Variants in RGS7 observed in about 807,000 individuals in gnomAD.
The protein encoded by RGS7 is regulator of G-protein signaling 7.
RGS7 carries 27 observed loss-of-function variants against 81.1 expected under a neutral mutation model. The ratio of observed to expected loss-of-function variants is 0.33; its 90% CI spans 0.25 to 0.46. The LOEUF (loss-of-function observed/expected upper bound fraction) is 0.46. Among genes scored for constraint, RGS7 ranks in the 20% least tolerant of loss-of-function variants. RGS7 has a pLI of 1.00. For missense variants in RGS7, 396 were observed against 607.4 expected, an observed-to-expected ratio of 0.65 and a Z score of 3.66; for synonymous variants, 208 against 207.7, an observed-to-expected ratio of 1.00 and a Z score of -0.01.
intron 2 of RGS7, among the ~76,000 whole-genome samples, chr1:241,119,742 G>T (rs2066120617): frequency 6.6e-6 from 1 of 152,132 alleles, no homozygotes; most frequent in South Asian, 2.1e-4. Flanking sequence ...ACAATCACAA[G>T]TTTTCCAAAA....
At chr1:241,334,386 G>A (rs1024325880) in intron 2 of RGS7, among the ~76,000 whole-genome samples, 1 of 152,102 alleles carries the variant, frequency 6.6e-6, no homozygotes, top group African/African-American at 2.4e-5. Context: ...TCGGTACCAC[G>A]GTCCTGGGAT....
chr1:241,332,367 C>T (rs2082020943), intron 2 of RGS7, among the ~76,000 whole-genome samples: 1 of 152,082 alleles, frequency 6.6e-6, no homozygotes, highest in Admixed American at 6.5e-5. Flanking sequence ...ATTAGATATC[C>T]TATGTAAATC....
intron 18 of RGS7, among the ~76,000 whole-genome samples, chr1:240,785,617 C>T (rs1440908914): frequency 6.6e-6 from 1 of 152,072 alleles, no homozygotes; most frequent in Non-Finnish European, 1.5e-5. Context: ...TAATGAGATT[C>T]CAAGGTCTTG....
rs1268410593 is a variant in RGS7 at position 241,085,928 on chromosome 1, T to G, written c.175+12738A>C. On this transcript the variant is annotated intron_variant, in intron 3 of 18. Coordinates refer to ENST00000440928, the MANE Select transcript of RGS7 (RefSeq NM_001364886.1). ...GGTTACTTACAAGCGGTCTTTATGG[T>G]TCCCCAGAACATCTTCCCTTGAGCC... is the stretch of plus-strand genomic sequence containing the variant. 3.3e-5 allele frequency among the ~76,000 whole-genome samples: 5 copies of G among 152,188 alleles called. No homozygotes were observed. In the East Asian group the frequency reaches 7.7e-4, roughly 23 times the overall value.
chr1:241,220,999 G>GAA (rs1558203373), intron 2 of RGS7, among the ~76,000 whole-genome samples: 5,293 of 63,842 alleles, frequency 0.083, 322 homozygotes, highest in Middle Eastern at 0.12. Context: ...GGAAGGAAGA[G>GAA]AGAGAGAAAG....
chr1:241,094,165 T>C (rs2064083129), intron 3 of RGS7, among the ~76,000 whole-genome samples: 1 of 151,994 alleles, frequency 6.6e-6, no homozygotes, highest in South Asian at 2.1e-4. Flanking sequence ...GCAGACAGGC[T>C]TCCTTTGCTG....
At chr1:240,865,370 T>C (rs1663049501) in intron 9 of RGS7, among the ~76,000 whole-genome samples, 4 of 152,194 alleles carry the variant, frequency 2.6e-5, no homozygotes, top group Admixed American at 6.5e-5. Flanking sequence ...GTATGCAATA[T>C]CAGGCCCCAG....
intron 2 of RGS7, among the ~76,000 whole-genome samples, chr1:241,320,410 A>T (rs1252758986): frequency 2.0e-5 from 3 of 152,252 alleles, no homozygotes. Context: ...AAAGTGATTT[A>T]ACAAAGCACA....
At chr1:241,156,258 G>A (rs1014424067) in intron 2 of RGS7, among the ~76,000 whole-genome samples, 5 of 152,122 alleles carry the variant, frequency 3.3e-5, no homozygotes, top group Non-Finnish European at 7.3e-5. Context: ...TTAGGAGCCT[G>A]AAGCTGGAGG....
chr1:240,971,252 C>T (rs1333451517), intron 4 of RGS7, among the ~76,000 whole-genome samples: 2 of 152,152 alleles, frequency 1.3e-5, no homozygotes, highest in Non-Finnish European at 2.9e-5. Flanking sequence ...AGGCCACCAG[C>T]ACCTTGACCT....
chr1:240,814,333 C>G lies in RGS7; in HGVS notation c.845+383G>C, dbSNP rs567891777. On this transcript the variant is annotated intron_variant, in intron 12 of 18. Coordinates refer to ENST00000440928, the MANE Select transcript of RGS7 (RefSeq NM_001364886.1). Reference sequence around the variant, plus strand: ...TTCATATTCTGAAGTCAGGCAGGAACAGTGTCAATTGTCATTGTTAAAATA... The same window carrying G: ...TTCATATTCTGAAGTCAGGCAGGAAGAGTGTCAATTGTCATTGTTAAAATA... Among the ~76,000 whole-genome samples the G allele has an allele frequency of 2.0e-5, 3 of 152,170 alleles. No homozygotes were observed. The East Asian group carries it at 5.8e-4, about 29-fold the overall frequency.
At chr1:241,097,178 G>C (rs927746403) in intron 3 of RGS7, among the ~76,000 whole-genome samples, 1 of 151,640 alleles carries the variant, frequency 6.6e-6, no homozygotes, top group African/African-American at 2.4e-5. Context: ...TCTCTGAACT[G>C]ACTACTGAAG....
At chr1:240,912,484 A>C (rs899291984) in intron 6 of RGS7, among the ~76,000 whole-genome samples, 2 of 152,148 alleles carry the variant, frequency 1.3e-5, no homozygotes, top group Admixed American at 1.3e-4. Flanking sequence ...CTTTACTTCA[A>C]AATCATTCCA....
chr1:240,925,422 C>T lies in RGS7; in HGVS notation c.385+5295G>A, dbSNP rs1289519472. Among the ~76,000 whole-genome samples the T allele has an allele frequency of 1.3e-5, 2 of 152,108 alleles. 1 individual carries two copies. The highest frequency in any genetic ancestry group is 2.9e-5 in the Non-Finnish European group (2 of 68,022). ...GTTAATTTGCTTGGGATAACAGCCT[C>T]CAGCTGTATCCATGTTGCTGCAAAG... On this transcript the variant is annotated intron_variant, in intron 6 of 18. Coordinates refer to ENST00000440928, the MANE Select transcript of RGS7 (RefSeq NM_001364886.1).
chr1:241,349,951 A>C (rs1251935899), intron 2 of RGS7, among the ~76,000 whole-genome samples: 1 of 152,240 alleles, frequency 6.6e-6, no homozygotes, highest in African/African-American at 2.4e-5. Context: ...AGAGGCTATT[A>C]GAAGGTAATA....
chr1:241,020,395 T>A (rs2059480076), intron 3 of RGS7, among the ~76,000 whole-genome samples: 1 of 152,196 alleles, frequency 6.6e-6, no homozygotes, highest in Non-Finnish European at 1.5e-5. Flanking sequence ...CTCCTTGCCT[T>A]TTCCAGCTTC....
At chr1:241,319,309 A>G (rs2081072624) in intron 2 of RGS7, among the ~76,000 whole-genome samples, 1 of 152,232 alleles carries the variant, frequency 6.6e-6, no homozygotes, top group Non-Finnish European at 1.5e-5. Context: ...ACATCCATGA[A>G]ATGTAAACAT....
At chr1:240,933,837 G>C (rs1173284367) in intron 5 of RGS7, among the ~76,000 whole-genome samples, 2 of 151,968 alleles carry the variant, frequency 1.3e-5, no homozygotes, top group East Asian at 3.9e-4. Flanking sequence ...TGACTTTACG[G>C]TAAATTTAAA....
intron 3 of RGS7, among the ~76,000 whole-genome samples, chr1:241,007,714 C>G (rs1159630658): frequency 6.6e-6 from 1 of 152,148 alleles, no homozygotes; most frequent in Non-Finnish European, 1.5e-5. Flanking sequence ...GAGGATGATA[C>G]TTGAAATTTG....
Sources: gnomAD v4.1 joint callset for allele counts (sites outside exome capture counted in the v4.1 genomes callset) on GRCh38, gnomAD v4.1.1 for gene constraint, MANE v1.5 for transcripts, NCBI Gene and HGNC (gene_info 2026-07-23, HGNC 2026-07-21) for gene names.